The following NCMAP variants were observed in gnomAD, a reference collection of about 807,000 sequenced individuals.
NCMAP encodes the protein noncompact myelin-associated protein.
Under a neutral mutation model 7.8 loss-of-function variants are expected in NCMAP, and 8 were observed. The ratio of observed to expected loss-of-function variants is 1.02; its 90% confidence interval spans 0.60 to 1.84. The LOEUF is 1.84. Ranked by LOEUF, NCMAP falls within the 40% of genes most tolerant of loss-of-function variation. The pLI is 0.00. For missense variants in NCMAP, 112 were observed against 131.4 expected (o/e 0.85, Z 0.72); for synonymous variants, 41 against 52.9 (o/e 0.78, Z 0.98).
At chr1:24,603,542 G>C (rs748540820) in intron 3 of NCMAP, among the ~76,000 whole-genome samples, 31 of 152,118 alleles carry the variant, frequency 2.0e-4, no homozygotes, top group Non-Finnish European at 3.8e-4. Context: ...ACTGATGCCT[G>C]AGCTGGGAAG....
In NCMAP at chr1:24,608,509, C is replaced by T. The variant is rs1020866046; in HGVS notation, c.*2762C>T. On this transcript the variant is annotated 3_prime_UTR_variant, in exon 4 of 4. Coordinates refer to ENST00000374392, the MANE Select transcript of NCMAP (RefSeq NM_001010980.5). ...CAAGCTACTACTTAGGCCCAAGGAG[C>T]AAGGGGTAGAATGGCATCTAACCAG... 3 of 152,236 alleles carry T rather than the reference C, an allele frequency of 2.0e-5. No individual in the cohort carries two copies. The highest frequency in any genetic ancestry group is 7.2e-5 in the African/African-American group (3 of 41,442). The allele number at this position is 152,236 out of a possible 1,614,324, so 9.4% of individuals were successfully genotyped here. A position where few individuals can be genotyped will look rare whatever the true frequency, so the allele number is the denominator to read the frequency against.
intron 2 of NCMAP, among the ~76,000 whole-genome samples, chr1:24,595,794 CTTTTTT>C (rs34640170): frequency 5.9e-4 from 71 of 119,478 alleles, no homozygotes; most frequent in African/African-American, 1.2e-3. Flanking sequence ...TGGACTGTGT[CTTTTTT>C]TTTTTTTTTT....
rs1223239780 is a variant in NCMAP at position 24,597,611 on chromosome 1, A to AAGAGACAGAC, written c.82+2102_82+2103insGACAGACAGA. Among the ~76,000 whole-genome samples the AAGAGACAGAC allele has an allele frequency of 4.3e-3, 386 of 90,182 alleles. 20 individuals are homozygous for AAGAGACAGAC. The highest frequency in any genetic ancestry group is 7.1e-3 in the African/African-American group (126 of 17,802). 59.2% of individuals were successfully genotyped at this position (90,182 alleles called of 152,430 possible). ...AGAAGAAAGAAGAAAGAAAGAAAGA[A>AAGAGACAGAC]AGAAAGAGAAAGAAAGAAAGAAAGA... On this transcript the variant is annotated intron_variant, in intron 2 of 3. Transcript: ENST00000374392.
intron 2 of NCMAP, 49 bp from the exon 3 acceptor site, chr1:24,600,891 C>G (rs898754856): frequency 1.3e-6 from 2 of 1,564,424 alleles, no homozygotes; most frequent in Non-Finnish European, 8.8e-7. Context: ...CCCTCCTGGT[C>G]TGCGTTCAGT....
At chr1:24,586,481 G>A (rs577115633) in intron 1 of NCMAP, among the ~76,000 whole-genome samples, 5 of 152,254 alleles carry the variant, frequency 3.3e-5, no homozygotes, top group South Asian at 4.2e-4. Context: ...GTTCCTTCAC[G>A]GCTGGGCACG....
chr1:24,587,132 G>A (rs1651903549), intron 1 of NCMAP, among the ~76,000 whole-genome samples: 1 of 152,190 alleles, frequency 6.6e-6, no homozygotes, highest in African/African-American at 2.4e-5. Context: ...CAAGAAAACT[G>A]TCATTCTGAA....
chr1:24,569,435 C>T (rs1651325424), intron 1 of NCMAP, among the ~76,000 whole-genome samples: 1 of 150,674 alleles, frequency 6.6e-6, no homozygotes, highest in Non-Finnish European at 1.5e-5. Flanking sequence ...CCCCTCCTCC[C>T]CAGACTTCAC....
intron 1 of NCMAP, among the ~76,000 whole-genome samples, chr1:24,556,375 G>A (rs971481346): frequency 6.6e-6 from 1 of 152,052 alleles, no homozygotes; most frequent in African/African-American, 2.4e-5. Flanking sequence ...GTCCGGGGTG[G>A]TGGGAGGGAG....
chr1:24,584,878 C>T (rs1213677494), intron 1 of NCMAP, among the ~76,000 whole-genome samples: 1 of 149,840 alleles, frequency 6.7e-6, no homozygotes, highest in Admixed American at 6.8e-5. Context: ...TGCGTCTTCT[C>T]AGTCCTATGC....
At chr1:24,561,429 G>A (rs2481930) in intron 1 of NCMAP, among the ~76,000 whole-genome samples, 96,613 of 152,076 alleles carry the variant, frequency 0.64, 30,891 homozygotes, top group East Asian at 0.75. Flanking sequence ...CCTGAAAGTC[G>A]CTTTTTCCTC....
At chr1:24,590,421 A>C (rs752566079) in intron 1 of NCMAP, among the ~76,000 whole-genome samples, 2 of 152,116 alleles carry the variant, frequency 1.3e-5, no homozygotes, top group Non-Finnish European at 2.9e-5. Flanking sequence ...CTCACTGGTG[A>C]GTCTTCTTAG....
chr1:24,589,166 G>A (rs1284111211), intron 1 of NCMAP, among the ~76,000 whole-genome samples: 2 of 152,104 alleles, frequency 1.3e-5, no homozygotes, highest in East Asian at 3.9e-4. Context: ...ATAAAGCACC[G>A]AGTGCGGTGC....
At chr1:24,598,149 T>A (rs1652325573) in intron 2 of NCMAP, among the ~76,000 whole-genome samples, 1 of 152,258 alleles carries the variant, frequency 6.6e-6, no homozygotes, top group Admixed American at 6.5e-5. Context: ...TGCCCCATGA[T>A]GGATTTCCCG....
intron 1 of NCMAP, among the ~76,000 whole-genome samples, chr1:24,565,225 C>T (rs567452258): frequency 1.1e-4 from 16 of 150,988 alleles, no homozygotes; most frequent in African/African-American, 3.9e-4. Flanking sequence ...GCTACAGCAT[C>T]TGCCATAACC....
At chr1:24,581,157 G>C (rs544400985) in intron 1 of NCMAP, among the ~76,000 whole-genome samples, 18 of 150,690 alleles carry the variant, frequency 1.2e-4, no homozygotes, top group African/African-American at 4.1e-4. Context: ...TCGCTGCGAT[G>C]CCAGGCTGGA....
At chr1:24,569,395 A>T (rs1167410516) in intron 1 of NCMAP, among the ~76,000 whole-genome samples, 1 of 150,370 alleles carries the variant, frequency 6.7e-6, no homozygotes, top group Non-Finnish European at 1.5e-5. Flanking sequence ...CACATCCTAC[A>T]CTTTCCTTCC....
rs920792063 is a variant in NCMAP at position 24,580,904 on chromosome 1, CTGT to C, written c.-7-14518_-7-14516del. ...GGTTTAGGCCTTTGCCTTTTCCAGG[CTGT>C]TAAGTCATACTCAGCCGTCGGCTTT... On this transcript the variant is annotated intron_variant, in intron 1 of 3. Coordinates refer to ENST00000374392, the MANE Select transcript of NCMAP (RefSeq NM_001010980.5). 2.0e-5 allele frequency among the ~76,000 whole-genome samples: 3 copies of C among 152,334 alleles called. No homozygotes were observed. The South Asian group carries it at 6.2e-4, about 32-fold the overall frequency.
intron 2 of NCMAP, 122 bp downstream of exon 2, chr1:24,595,634 C>A: frequency 3.0e-6 from 2 of 676,684 alleles, no homozygotes; most frequent in Non-Finnish European, 5.1e-6. Flanking sequence ...CCCAGTTCTG[C>A]CACGTGCCAA....
chr1:24,605,583 A>T (rs1652694778), intron 3 of NCMAP, 23 bp from the exon 4 acceptor site: 1 of 1,613,196 alleles, frequency 6.2e-7, no homozygotes, highest in Non-Finnish European at 8.5e-7. Flanking sequence ...AGACTCAACC[A>T]TGTGCACATT....
Sources: gnomAD v4.1 joint callset for allele counts (sites outside exome capture counted in the v4.1 genomes callset) on GRCh38, gnomAD v4.1.1 for gene constraint, MANE v1.5 for transcripts, NCBI Gene and HGNC (gene_info 2026-07-23, HGNC 2026-07-21) for gene names.